BCL11B: variants seen among roughly 807,000 people sequenced by gnomAD.
The protein encoded by BCL11B is B-cell lymphoma/leukemia 11B.
Under a neutral mutation model 49.9 loss-of-function variants are expected in BCL11B, and 8 were observed. The ratio of observed to expected loss-of-function variants is 0.16; its 90% CI spans 0.09 to 0.29. The LOEUF is 0.29. Among genes scored for constraint, BCL11B ranks in the 10% least tolerant of loss-of-function variants. BCL11B has a pLI of 1.00. For missense variants in BCL11B, 1,006 were observed against 1,351.0 expected (o/e 0.74, Z 4.00); for synonymous variants, 739 against 637.4 (o/e 1.16, Z -2.40).
chr14:99,203,038 G>A (rs1245998896), intron 3 of BCL11B, among the ~76,000 whole-genome samples: 8 of 152,136 alleles, frequency 5.3e-5, no homozygotes, highest in Admixed American at 3.3e-4. Context: ...TTCAATGTCC[G>A]CACCCCACTG....
At position 99,184,157 on chromosome 14, in the gene BCL11B, TGCCCACTC is replaced by T. The variant is rs1237085991; in HGVS notation, c.641-7970_641-7963del. Among the ~76,000 whole-genome samples, 1 of 152,068 alleles carries T rather than the reference TGCCCACTC, an allele frequency of 6.6e-6. No individual in the cohort carries two copies. The highest frequency in any genetic ancestry group is 2.4e-5 in the African/African-American group (1 of 41,412). ...CTGCCTTTTGCACACACCCATGAGCTGCCCACTCGCCCTCTCGGTGCCTCCCTTTGGGC... is the reference window on the plus strand; with the variant it reads ...CTGCCTTTTGCACACACCCATGAGCTGCCCTCTCGGTGCCTCCCTTTGGGC... On this transcript the variant is annotated intron_variant, in intron 3 of 3. Transcript: ENST00000357195. The surrounding 1 kb of genome is among the most constrained non-coding windows in gnomAD (Gnocchi z 6.1).
intron 3 of BCL11B, among the ~76,000 whole-genome samples, chr14:99,183,041 G>T (rs913689772): frequency 6.8e-6 from 1 of 146,616 alleles, no homozygotes; most frequent in Admixed American, 6.9e-5. Context: ...GTAGCTAAGG[G>T]TGCAGCTCAC....
In BCL11B at chr14:99,176,215, G is replaced by C. The variant is rs779168469; in HGVS notation, c.641-20C>G. The C allele has an allele frequency of 1.2e-6, 2 of 1,605,494 alleles. No homozygotes were observed. The highest frequency in any genetic ancestry group is 4.5e-5 in the East Asian group (2 of 44,570). On this transcript the variant is annotated intron_variant, in intron 3 of 3. Transcript: ENST00000357195. ...CTTTACCTGGGGAAACACACGGACA[G>C]AAAGGCAGAGACAGCGTGAGAAGCG...
Position 99,271,299 on chromosome 14 carries a change from CGCCGCTGCCGCCGCT to C in BCL11B, c.-96_-82del. On this transcript the variant is annotated 5_prime_UTR_variant, in exon 1 of 4. Coordinates refer to ENST00000357195, the MANE Select transcript of BCL11B (RefSeq NM_138576.4). The stretch of plus-strand genomic sequence containing the variant: ...GGGGAGGGGGTCCGAGCCGCCGCCG[CGCCGCTGCCGCCGCT>C]GCCGCCGCCGCCGCCGCCGCCGCAC... The C allele has an allele frequency of 1.5e-5, 11 of 752,584 alleles. No homozygotes were observed. The South Asian group carries it at 6.3e-4, about 43-fold the overall frequency. 46.6% of individuals were successfully genotyped at this position (752,584 alleles called of 1,614,324 possible).
chr14:99,169,509 A>T lies in BCL11B; in HGVS notation c.*4642T>A. ...CTCCTGTCATCTCAACATTTTATCC[A>T]TAATAAAAAAAAGTGCCTGTTTCTT... On this transcript the variant is annotated 3_prime_UTR_variant, in exon 4 of 4. Coordinates refer to ENST00000357195, the MANE Select transcript of BCL11B (RefSeq NM_138576.4). 1 of 200,800 alleles carries T rather than the reference A, an allele frequency of 5.0e-6. No individual in the cohort carries two copies. The highest frequency in any genetic ancestry group is 1.0e-5 in the Non-Finnish European group (1 of 97,174). The allele number at this position is 200,800 out of a possible 1,614,324, so 12.4% of individuals were successfully genotyped here. A position where few individuals can be genotyped will look rare whatever the true frequency, so the allele number is the denominator to read the frequency against.
At chr14:99,239,565 A>T (rs1478042660) in intron 2 of BCL11B, among the ~76,000 whole-genome samples, 1 of 152,126 alleles carries the variant, frequency 6.6e-6, no homozygotes, top group Non-Finnish European at 1.5e-5. Flanking sequence ...GTTAAGATAG[A>T]ACTCACATGT....
At chr14:99,268,360 A>T (rs1258772329) in intron 1 of BCL11B, among the ~76,000 whole-genome samples, 1 of 151,410 alleles carries the variant, frequency 6.6e-6, no homozygotes, top group Non-Finnish European at 1.5e-5. Context: ...AGTTATTTGC[A>T]GTTGCATCAT....
At chr14:99,260,336 C>T (rs546731280) in intron 1 of BCL11B, among the ~76,000 whole-genome samples, 4 of 152,228 alleles carry the variant, frequency 2.6e-5, no homozygotes, top group Admixed American at 6.5e-5. Context: ...CCAGCTGGAC[C>T]GTCCTTTCTG....
Position 99,174,625 on chromosome 14 carries a change from G to A in BCL11B, c.2211C>T (p.Phe737=), listed in dbSNP as rs1182778900. The A allele has an allele frequency of 1.1e-5, 17 of 1,561,264 alleles. No individual in the cohort carries two copies. Among genetic ancestry groups the A allele is most frequent in the African/African-American group, 4.2e-5 (3 of 71,844 alleles). The change falls in exon 4 of 4, where the codon TTC becomes TTT. Residue 737 remains phenylalanine, a synonymous_variant. Coordinates refer to ENST00000357195, the MANE Select transcript of BCL11B (RefSeq NM_138576.4). ...LGFTDARQSP[F]ATSSEHSSEN... ...CGGACGAGTGCTCGGACGACGTGGC[G>A]AAGGGCGACTGTCGTGCGTCCGTGA... is the stretch of plus-strand genomic sequence containing the variant.
intron 3 of BCL11B, 35 bp from the exon 4 acceptor site, chr14:99,176,230 C>A: frequency 1.3e-6 from 2 of 1,591,482 alleles, no homozygotes; most frequent in East Asian, 2.3e-5. Context: ...GCAGAGACAG[C>A]GTGAGAAGCG....
chr14:99,213,340 G>C lies in BCL11B; in HGVS notation c.640+18005C>G, dbSNP rs2139847093. Among the ~76,000 whole-genome samples, 1 of 152,306 alleles carries C rather than the reference G, an allele frequency of 6.6e-6. No individual in the cohort carries two copies. Among genetic ancestry groups the C allele is most frequent in the Middle Eastern group, 3.4e-3 (1 of 294 alleles). On this transcript the variant is annotated intron_variant, in intron 3 of 3. Coordinates refer to ENST00000357195, the MANE Select transcript of BCL11B (RefSeq NM_138576.4). This position sits in a 1 kb window ranked among gnomAD's most constrained non-coding sequence, Gnocchi z 5.1. ...CAGCCCCGACTAATCAGACAGCAGA[G>C]GCTGCCACCCAGAATGCCCGGCACG...
At chr14:99,240,144 C>G (rs970859296) in intron 2 of BCL11B, among the ~76,000 whole-genome samples, 2 of 149,448 alleles carry the variant, frequency 1.3e-5, no homozygotes, top group South Asian at 4.3e-4. Flanking sequence ...TCAGATGGAA[C>G]AGAAATAAAT....
Position 99,271,737 on chromosome 14 carries a change from A to G in BCL11B, c.-519T>C, listed in dbSNP as rs1889696865. ...CACTTCTACCAGGAGGGGAAAAAAAATGCAAACAAATAAAAAAATAAAAGA... is the reference window on the plus strand; with the variant it reads ...CACTTCTACCAGGAGGGGAAAAAAAGTGCAAACAAATAAAAAAATAAAAGA... On this transcript the variant is annotated 5_prime_UTR_variant, in exon 1 of 4. Coordinates refer to ENST00000357195, the MANE Select transcript of BCL11B (RefSeq NM_138576.4). Among the ~76,000 whole-genome samples, 1 of 151,820 alleles carries G rather than the reference A, an allele frequency of 6.6e-6. No homozygotes were observed. The highest frequency in any genetic ancestry group is 2.4e-5 in the African/African-American group (1 of 41,268).
intron 3 of BCL11B, among the ~76,000 whole-genome samples, chr14:99,187,688 G>A (rs561828085): frequency 5.4e-5 from 8 of 148,048 alleles, no homozygotes; most frequent in Non-Finnish European, 1.2e-4. Flanking sequence ...GCCAGGAGTC[G>A]GCTGCAGGTG....
In BCL11B at chr14:99,173,346, C is replaced by T. The variant is rs1886351722; in HGVS notation, c.*805G>A. On this transcript the variant is annotated 3_prime_UTR_variant, in exon 4 of 4. Transcript: ENST00000357195. ...AGCCCTCCAAAAACCCTATCTCTGG[C>T]GGCGCTGAGTCTGTGGGGTGCCTCC... is the stretch of plus-strand genomic sequence containing the variant. The T allele has an allele frequency of 4.5e-6, 1 of 220,846 alleles. No homozygotes were observed. The highest frequency in any genetic ancestry group is 9.1e-6 in the Non-Finnish European group (1 of 110,212). The allele number at this position is 220,846 out of a possible 1,614,324, so 13.7% of individuals were successfully genotyped here.
At chr14:99,186,909 A>G (rs1886869325) in intron 3 of BCL11B, among the ~76,000 whole-genome samples, 1 of 152,220 alleles carries the variant, frequency 6.6e-6, no homozygotes. Flanking sequence ...CAGTCTATGA[A>G]GATCACTAGC....
At chr14:99,244,037 G>C (rs1169307953) in intron 2 of BCL11B, among the ~76,000 whole-genome samples, 1 of 151,246 alleles carries the variant, frequency 6.6e-6, no homozygotes, top group Non-Finnish European at 1.5e-5. Flanking sequence ...GGCGCAGAAA[G>C]TGTGCCCTGC....
At chr14:99,203,583 G>A (rs1887447949) in intron 3 of BCL11B, among the ~76,000 whole-genome samples, 1 of 152,166 alleles carries the variant, frequency 6.6e-6, no homozygotes, top group East Asian at 1.9e-4. Context: ...TATGTGCTAG[G>A]CACCATGGGG....
Position 99,247,341 on chromosome 14 carries a change from C to T in BCL11B, c.427+10130G>A, listed in dbSNP as rs770496785. Among the ~76,000 whole-genome samples the T allele has an allele frequency of 3.3e-5, 5 of 152,156 alleles. No homozygotes were observed. The highest frequency in any genetic ancestry group is 7.3e-5 in the Non-Finnish European group (5 of 68,034). On this transcript the variant is annotated intron_variant, in intron 2 of 3. Transcript: ENST00000357195. This position sits in a 1 kb window ranked among gnomAD's most constrained non-coding sequence, Gnocchi z 4.5. ...CTTGAGGTGGGAGGAGAAAAGAACC[C>T]GCTCCAGCCCCAGGAAAACTTAGTT...
Sources: gnomAD v4.1 joint callset for allele counts (sites outside exome capture counted in the v4.1 genomes callset) on GRCh38, gnomAD v4.1.1 for gene constraint, Gnocchi (gnomAD v3.1) non-coding constraint, MANE v1.5 for transcripts, NCBI Gene and HGNC (gene_info 2026-07-23, HGNC 2026-07-21) for gene names.